PKP2: variants seen among roughly 807,000 people sequenced by gnomAD.
PKP2 encodes plakophilin-2.
A neutral mutation model predicts 83.4 loss-of-function variants in PKP2; 73 were observed. The observed-to-expected ratio is 0.88, with a 90% CI of 0.72 to 1.06. The LOEUF (loss-of-function observed/expected upper bound fraction) is 1.06. PKP2 is among the 50% of genes least tolerant of loss of function. PKP2 has a pLI of 0.00. For synonymous variants in PKP2, 409 were observed against 430.4 expected (o/e 0.95, Z 0.62); for missense variants, 966 against 1,065.4 (o/e 0.91, Z 1.30).
At chr12:32,827,520 T>A (rs190610081) in intron 6 of PKP2, among the ~76,000 whole-genome samples, 18 of 151,938 alleles carry the variant, frequency 1.2e-4, no homozygotes, top group African/African-American at 4.4e-4. Context: ...CTTAAAATAT[T>A]TTTTTTTAAC....
chr12:32,814,753 G>A (rs1016940302), intron 9 of PKP2, among the ~76,000 whole-genome samples: 22 of 151,950 alleles, frequency 1.4e-4, no homozygotes, highest in Non-Finnish European at 2.8e-4. Context: ...GTGAAACCCC[G>A]TCTCTACTAA....
Position 32,792,121 on chromosome 12 carries a change from T to C in PKP2, c.*303A>G, listed in dbSNP as rs148693924. On this transcript the variant is annotated 3_prime_UTR_variant, in exon 13 of 13. Transcript: ENST00000340811. The stretch of plus-strand genomic sequence containing the variant: ...ATGCAACAGCTTCTTTCCTTATTTA[T>C]TGGATTAATGTCCCTTCCACATGAA... 3.7e-4 allele frequency: 157 copies of C among 420,004 alleles called. 1 individual carries two copies. The East Asian group carries it at 6.6e-3, about 18-fold the overall frequency. The allele number at this position is 420,004 out of a possible 1,614,324, so 26.0% of individuals were successfully genotyped here.
intron 4 of PKP2, among the ~76,000 whole-genome samples, chr12:32,855,927 G>A (rs1202830566): frequency 6.6e-6 from 1 of 151,936 alleles, no homozygotes. Flanking sequence ...CAAATAATGA[G>A]CCTGTATTTA....
chr12:32,890,074 C>CAAAAAAAAAAAAA (rs55957473), intron 1 of PKP2, among the ~76,000 whole-genome samples: 1 of 64,004 alleles, frequency 1.6e-5, no homozygotes, highest in African/African-American at 7.1e-5. Context: ...GACTCCATCT[C>CAAAAAAAAAAAAA]AAAAAAAAAA....
chr12:32,796,914 A>C (rs1211336800), intron 10 of PKP2, among the ~76,000 whole-genome samples: 3 of 152,190 alleles, frequency 2.0e-5, no homozygotes, highest in Non-Finnish European at 4.4e-5. Flanking sequence ...ACATCTTAAA[A>C]ATATCACTTT....
At position 32,828,991 on chromosome 12, in the gene PKP2, A is replaced by C. The variant is rs1180826839; in HGVS notation, c.1557-4829T>G. On this transcript the variant is annotated intron_variant, in intron 6 of 12. Coordinates refer to ENST00000340811, the MANE Select transcript of PKP2 (RefSeq NM_001005242.3). Reference sequence around the variant, plus strand: ...CACTCTATCGTCCAGGCTGTAGTGCAGTGGCATGATCATACCTCACTGCAG... The same window carrying C: ...CACTCTATCGTCCAGGCTGTAGTGCCGTGGCATGATCATACCTCACTGCAG... 2.0e-5 allele frequency among the ~76,000 whole-genome samples: 3 copies of C among 152,086 alleles called. No individual in the cohort carries two copies. In the East Asian group the frequency reaches 5.8e-4, roughly 29 times the overall value.
chr12:32,890,153 GT>G (rs1451147337), intron 1 of PKP2, among the ~76,000 whole-genome samples: 1 of 148,014 alleles, frequency 6.8e-6, no homozygotes, highest in South Asian at 2.2e-4. Context: ...AATAATATAT[GT>G]TTACTATCAT....
At chr12:32,849,590 T>C (rs568608812) in intron 5 of PKP2, among the ~76,000 whole-genome samples, 2 of 152,178 alleles carry the variant, frequency 1.3e-5, no homozygotes, top group African/African-American at 2.4e-5. Context: ...GGAGAGTGCT[T>C]ATTCTGGAAC....
In PKP2 at chr12:32,821,545, AG is replaced by A; in HGVS notation, c.1840-17del. 1 of 1,613,690 alleles carries A rather than the reference AG, an allele frequency of 6.2e-7. No individual in the cohort carries two copies. The highest frequency in any genetic ancestry group is 8.5e-7 in the Non-Finnish European group (1 of 1,179,718). ...CCTGGTATTGCTGACCACACACAAA[AG>A]GAATCCAGAATTAATGCATGTCAGG... is the stretch of plus-strand genomic sequence containing the variant. On this transcript the variant is annotated splice_polypyrimidine_tract_variant and intron_variant, in intron 8 of 12. Transcript: ENST00000340811.
intron 1 of PKP2, among the ~76,000 whole-genome samples, chr12:32,889,968 G>A (rs1227911254): frequency 6.7e-6 from 1 of 150,232 alleles, no homozygotes; most frequent in East Asian, 2.0e-4. Context: ...CCACTTACTT[G>A]AGAGGCTGAG....
At chr12:32,861,447 GATTAATGGCATATTAAACACATTAATGT>G (rs1294656295) in intron 4 of PKP2, among the ~76,000 whole-genome samples, 1 of 152,098 alleles carries the variant, frequency 6.6e-6, no homozygotes, top group African/African-American at 2.4e-5. Flanking sequence ...CACTGAGTAA[GATTAATGGCATATTAAACACATTAATGT>G]ATTAATGGCA....
chr12:32,803,800 A>T (rs1956202709), intron 9 of PKP2, among the ~76,000 whole-genome samples: 1 of 152,182 alleles, frequency 6.6e-6, no homozygotes. Context: ...ATTTTATCCA[A>T]TATTTGTAAT....
intron 1 of PKP2, among the ~76,000 whole-genome samples, chr12:32,890,074 CAAAA>C (rs55957473): frequency 4.7e-5 from 3 of 64,006 alleles, no homozygotes; most frequent in East Asian, 5.0e-4. Flanking sequence ...GACTCCATCT[CAAAA>C]AAAAAAAAAA....
chr12:32,795,587 G>C (rs1245660533), intron 11 of PKP2, among the ~76,000 whole-genome samples: 1 of 152,084 alleles, frequency 6.6e-6, no homozygotes, highest in Non-Finnish European at 1.5e-5. Flanking sequence ...TGCCATGTCG[G>C]CCAGGCTGGT....
chr12:32,845,481 G>A (rs1347463809), intron 5 of PKP2, among the ~76,000 whole-genome samples: 1 of 152,168 alleles, frequency 6.6e-6, no homozygotes, highest in Non-Finnish European at 1.5e-5. Flanking sequence ...GAACCCGGGA[G>A]GCGGAGCTTG....
intron 9 of PKP2, among the ~76,000 whole-genome samples, chr12:32,810,424 G>A (rs568527394): frequency 3.9e-5 from 6 of 152,018 alleles, no homozygotes; most frequent in South Asian, 4.2e-4. Flanking sequence ...ATTACCAGTC[G>A]ACATAGTTGT....
intron 6 of PKP2, among the ~76,000 whole-genome samples, chr12:32,825,237 C>T (rs1466476001): frequency 9.2e-5 from 13 of 140,702 alleles, no homozygotes; most frequent in African/African-American, 3.5e-4. Flanking sequence ...GGCGCGATCT[C>T]GGCTCACTGT....
At chr12:32,895,943 C>T (rs1202509599) in intron 1 of PKP2, among the ~76,000 whole-genome samples, 1 of 152,218 alleles carries the variant, frequency 6.6e-6, no homozygotes. Context: ...TTCTTCACTC[C>T]CTAGATCCAC....
intron 1 of PKP2, among the ~76,000 whole-genome samples, chr12:32,892,591 C>A (rs1957083588): frequency 6.6e-6 from 1 of 152,068 alleles, no homozygotes; most frequent in Non-Finnish European, 1.5e-5. Flanking sequence ...GGTGAGACTA[C>A]AGGCATGAGT....
Sources: gnomAD v4.1 joint callset for allele counts (sites outside exome capture counted in the v4.1 genomes callset) on GRCh38, gnomAD v4.1.1 for gene constraint, MANE v1.5 for transcripts, NCBI Gene and HGNC (gene_info 2026-07-23, HGNC 2026-07-21) for gene names.